Variants in ALK observed in about 807,000 individuals in gnomAD.
ALK encodes the protein ALK tyrosine kinase receptor.
ALK carries 74 observed loss-of-function variants against 163.1 expected under a neutral mutation model. The observed-to-expected ratio is 0.45, with a 90% CI of 0.38 to 0.55. The LOEUF is 0.55. Ranked by LOEUF, ALK falls within the 20% of genes least tolerant of loss-of-function variation. The pLI is 0.00. For missense variants in ALK, 2,063 were observed against 2,105.3 expected (o/e 0.98, Z 0.39); for synonymous variants, 960 against 843.2 (o/e 1.14, Z -2.40).
At chr2:29,568,914 G>A (rs1303214719) in intron 3 of ALK, among the ~76,000 whole-genome samples, 1 of 152,140 alleles carries the variant, frequency 6.6e-6, no homozygotes, top group Non-Finnish European at 1.5e-5. Flanking sequence ...CTGTAGGAGG[G>A]GCTGACAGTG....
At chr2:29,361,652 G>A (rs759030674) in intron 5 of ALK, among the ~76,000 whole-genome samples, 13 of 152,118 alleles carry the variant, frequency 8.5e-5, no homozygotes, top group African/African-American at 1.2e-4. Context: ...TGGGACAGGC[G>A]ATCCCTGTGG....
chr2:29,878,524 A>G (rs1222549310), intron 1 of ALK, among the ~76,000 whole-genome samples: 1 of 152,202 alleles, frequency 6.6e-6, no homozygotes, highest in African/African-American at 2.4e-5. Context: ...TTTAGCCATC[A>G]TTCCTAGGCA....
At chr2:29,384,857 C>A (rs1200356556) in intron 4 of ALK, among the ~76,000 whole-genome samples, 1 of 152,130 alleles carries the variant, frequency 6.6e-6, no homozygotes, top group African/African-American at 2.4e-5. Context: ...TTGAAACCAT[C>A]CTGCCCAACA....
chr2:29,691,744 T>C (rs1372089794), intron 3 of ALK, among the ~76,000 whole-genome samples: 1 of 152,184 alleles, frequency 6.6e-6, no homozygotes, highest in African/African-American at 2.4e-5. Context: ...TGTGCGCATG[T>C]CAGCGATCAC....
chr2:29,887,993 C>T (rs1164759900), intron 1 of ALK, among the ~76,000 whole-genome samples: 3 of 152,118 alleles, frequency 2.0e-5, no homozygotes, highest in African/African-American at 7.2e-5. Flanking sequence ...ATCATAAAGC[C>T]CTCTGGGTAC....
intron 4 of ALK, among the ~76,000 whole-genome samples, chr2:29,440,240 A>T (rs1460451261): frequency 6.6e-6 from 1 of 152,046 alleles, no homozygotes; most frequent in Non-Finnish European, 1.5e-5. Context: ...TCTCAAAAAC[A>T]AAAACAAAAA....
chr2:29,690,904 G>A (rs942987465), intron 3 of ALK, among the ~76,000 whole-genome samples: 1 of 152,074 alleles, frequency 6.6e-6, no homozygotes, highest in African/African-American at 2.4e-5. Context: ...TAATACTAAA[G>A]GCAACCCATC....
At chr2:29,586,979 T>C (rs979182189) in intron 3 of ALK, among the ~76,000 whole-genome samples, 2 of 152,160 alleles carry the variant, frequency 1.3e-5, no homozygotes, top group Non-Finnish European at 2.9e-5. Flanking sequence ...TGGGGGAATC[T>C]AGTAGGATGA....
chr2:29,823,222 G>A (rs62131016), intron 1 of ALK, among the ~76,000 whole-genome samples: 46,524 of 152,022 alleles, frequency 0.31, 7,484 homozygotes, highest in Non-Finnish European at 0.36. Context: ...TGATTGTGAG[G>A]CCTCCCCAGC....
intron 1 of ALK, among the ~76,000 whole-genome samples, chr2:29,753,462 C>A (rs1408693041): frequency 1.3e-5 from 2 of 152,144 alleles, no homozygotes; most frequent in African/African-American, 4.8e-5. Context: ...GCCTGGCTTC[C>A]CCCTCTCTTA....
chr2:29,552,019 A>G (rs538933404), intron 3 of ALK, among the ~76,000 whole-genome samples: 4 of 152,192 alleles, frequency 2.6e-5, no homozygotes, highest in Admixed American at 1.3e-4. Flanking sequence ...ACTTTCCATT[A>G]ATCCCTCCCC....
At chr2:29,774,695 T>C (rs1681122841) in intron 1 of ALK, among the ~76,000 whole-genome samples, 1 of 152,142 alleles carries the variant, frequency 6.6e-6, no homozygotes, top group Non-Finnish European at 1.5e-5. Flanking sequence ...GAGGTAAAAA[T>C]ACAATGCCAT....
At chr2:29,445,725 G>A (rs10189643) in intron 4 of ALK, among the ~76,000 whole-genome samples, 1,934 of 152,250 alleles carry the variant, frequency 0.013, 45 homozygotes, top group African/African-American at 0.045. Context: ...GGGAGGCTGA[G>A]GCAGTAGAAT....
chr2:29,847,014 TG>T (rs1665861959), intron 1 of ALK, among the ~76,000 whole-genome samples: 1 of 152,164 alleles, frequency 6.6e-6, no homozygotes, highest in South Asian at 2.1e-4. Flanking sequence ...AAAATGGCCC[TG>T]CCACAGTTGC....
intron 1 of ALK, among the ~76,000 whole-genome samples, chr2:29,734,380 G>T (rs1238132701): frequency 6.6e-6 from 1 of 152,060 alleles, no homozygotes; most frequent in East Asian, 1.9e-4. Context: ...AAAGCTCGGG[G>T]ACCACAGGCC....
At chr2:29,553,152 G>A (rs1673759332) in intron 3 of ALK, among the ~76,000 whole-genome samples, 1 of 152,136 alleles carries the variant, frequency 6.6e-6, no homozygotes. Flanking sequence ...GTGGTATTAA[G>A]AGAGGCCATT....
chr2:29,378,420 G>A (rs1440865023), intron 5 of ALK, among the ~76,000 whole-genome samples: 1 of 152,150 alleles, frequency 6.6e-6, no homozygotes, highest in Admixed American at 6.5e-5. Context: ...GCAAGGTGTG[G>A]TAGCTAAGAA....
At chr2:29,522,308 C>T (rs1390248590) in intron 4 of ALK, among the ~76,000 whole-genome samples, 1 of 152,160 alleles carries the variant, frequency 6.6e-6, no homozygotes, top group African/African-American at 2.4e-5. Context: ...TGGTGGTACA[C>T]ATAATATTAG....
intron 3 of ALK, among the ~76,000 whole-genome samples, chr2:29,557,767 C>G (rs6547946): frequency 0.95 from 144,368 of 152,232 alleles, 68,884 homozygotes; most frequent in Non-Finnish European, 1. Flanking sequence ...AAAAGGTATA[C>G]ATAGGTCCTA....
Sources: gnomAD v4.1 joint callset for allele counts (sites outside exome capture counted in the v4.1 genomes callset) on GRCh38, gnomAD v4.1.1 for gene constraint, MANE v1.5 for transcripts, NCBI Gene and HGNC (gene_info 2026-07-23, HGNC 2026-07-21) for gene names.